Variants in GPR39 observed in about 807,000 individuals in gnomAD.
GPR39 encodes G protein-coupled receptor 39.
Under a neutral mutation model 18.4 loss-of-function variants are expected in GPR39, and 23 were observed. The ratio of observed to expected loss-of-function variants is 1.25; its 90% CI spans 0.90 to 1.77. The LOEUF (loss-of-function observed/expected upper bound fraction) is 1.77. Among genes scored for constraint, GPR39 ranks in the 40% most tolerant of loss-of-function variants. GPR39 has a pLI of 0.00. For synonymous variants in GPR39, 280 were observed against 257.9 expected (o/e 1.09, Z -0.82); for missense variants, 647 against 602.4 (o/e 1.07, Z -0.78).
chr2:132,635,229 C>T (rs1681729341), intron 1 of GPR39, among the ~76,000 whole-genome samples: 1 of 152,168 alleles, frequency 6.6e-6, no homozygotes, highest in South Asian at 2.1e-4. Flanking sequence ...CAGAGCCCCT[C>T]ACCTGGAACT....
intron 1 of GPR39, among the ~76,000 whole-genome samples, chr2:132,505,859 A>G (rs973293462): frequency 6.6e-6 from 1 of 152,246 alleles, no homozygotes; most frequent in Non-Finnish European, 1.5e-5. Flanking sequence ...GCTGCAATAA[A>G]CATGGGGGTC....
intron 1 of GPR39, among the ~76,000 whole-genome samples, chr2:132,443,331 C>T (rs1245477848): frequency 4.8e-5 from 7 of 146,506 alleles, no homozygotes; most frequent in East Asian, 3.9e-4. Context: ...ACCTGACTTA[C>T]GATGGAGTGA....
chr2:132,462,719 C>CACT (rs1396043049), intron 1 of GPR39, among the ~76,000 whole-genome samples: 1 of 152,164 alleles, frequency 6.6e-6, no homozygotes, highest in East Asian at 1.9e-4. Flanking sequence ...CTCAGCCACA[C>CACT]ACTAGCCTGA....
intron 1 of GPR39, among the ~76,000 whole-genome samples, chr2:132,493,384 GTATATATACACACCA>G (rs1681554756): frequency 7.5e-6 from 1 of 133,516 alleles, no homozygotes; most frequent in Admixed American, 7.6e-5. Context: ...TATACACACC[GTATATATACACACCA>G]TATATATACA....
rs1159523609 is a variant in GPR39 at position 132,531,189 on chromosome 2, G to T, written c.856+113291G>T. Among the ~76,000 whole-genome samples the T allele has an allele frequency of 4.6e-5, 7 of 152,146 alleles. No homozygotes were observed. The East Asian group carries it at 9.6e-4, about 21-fold the overall frequency. On this transcript the variant is annotated intron_variant, in intron 1 of 1. Coordinates refer to ENST00000329321, the MANE Select transcript of GPR39 (RefSeq NM_001508.3). Reference sequence around the variant, plus strand: ...CCAAGCAAATGGAAAACAAAAAAAGGCAGGGGTTGCAATCCTAGTCTCAGA... The same window carrying T: ...CCAAGCAAATGGAAAACAAAAAAAGTCAGGGGTTGCAATCCTAGTCTCAGA...
chr2:132,433,773 G>T (rs1680263714), intron 1 of GPR39: 1 of 148,376 alleles, frequency 6.7e-6, no homozygotes. Context: ...TATGCCAGCA[G>T]GCATGACAAC....
In GPR39 at chr2:132,582,915, CTTTTTTTTTTT is replaced by C. The variant is rs5834320; in HGVS notation, c.857-62174_857-62164del. Among the ~76,000 whole-genome samples, 3 of 101,600 alleles carry C rather than the reference CTTTTTTTTTTT, an allele frequency of 3.0e-5. No homozygotes were observed. The Middle Eastern group carries it at 0.017, about 577-fold the overall frequency. 66.7% of individuals were successfully genotyped at this position (101,600 alleles called of 152,430 possible). A position where few individuals can be genotyped will look rare whatever the true frequency, so the allele number is the denominator to read the frequency against. On this transcript the variant is annotated intron_variant, in intron 1 of 1. Coordinates refer to ENST00000329321, the MANE Select transcript of GPR39 (RefSeq NM_001508.3). ...TAGAGAGAATTAGATTTCTTTCTTT[CTTTTTTTTTTT>C]TTTTTTTTTTTGGAGATAGGGTTTT...
In GPR39 at chr2:132,645,640, C is replaced by A. The variant is rs1242271704; in HGVS notation, c.*34C>A. ...CGAGGGAGCCTTGAGTGGGAACTGG[C>A]CCTCCAGCCCTAAGAAAACGTCACT... On this transcript the variant is annotated 3_prime_UTR_variant, in exon 2 of 2. Coordinates refer to ENST00000329321, the MANE Select transcript of GPR39 (RefSeq NM_001508.3). 1 of 1,578,936 alleles carries A rather than the reference C, an allele frequency of 6.3e-7. No individual in the cohort carries two copies. Among genetic ancestry groups the A allele is most frequent in the Non-Finnish European group, 8.6e-7 (1 of 1,164,218 alleles).
intron 1 of GPR39, among the ~76,000 whole-genome samples, chr2:132,540,751 CT>C (rs112678147): frequency 0.06 from 9,082 of 152,232 alleles, 895 homozygotes; most frequent in African/African-American, 0.2. Flanking sequence ...GAAATGTCAG[CT>C]GAGAGCTGCA....
chr2:132,439,458 A>G (rs1680395339), intron 1 of GPR39, among the ~76,000 whole-genome samples: 2 of 152,206 alleles, frequency 1.3e-5, no homozygotes, highest in South Asian at 4.1e-4. Flanking sequence ...CCACTTGACA[A>G]TGGTGGGACT....
intron 1 of GPR39, among the ~76,000 whole-genome samples, chr2:132,510,649 A>G (rs942659401): frequency 2.0e-5 from 3 of 152,170 alleles, no homozygotes; most frequent in African/African-American, 7.2e-5. Context: ...CCACCCAGAG[A>G]ATAGTCCTGA....
At chr2:132,420,893 A>G (rs749886606) in intron 1 of GPR39, among the ~76,000 whole-genome samples, 31 of 152,326 alleles carry the variant, frequency 2.0e-4, no homozygotes, top group Admixed American at 1.0e-3. Flanking sequence ...GCTCTCAAGC[A>G]ATTTACAGGA....
chr2:132,497,733 A>G (rs1219061039), intron 1 of GPR39, among the ~76,000 whole-genome samples: 1 of 152,180 alleles, frequency 6.6e-6, no homozygotes, highest in East Asian at 1.9e-4. Context: ...GAAGCTGCCC[A>G]AGGAAGAAGC....
At chr2:132,534,409 G>T (rs199526173) in intron 1 of GPR39, among the ~76,000 whole-genome samples, 25 of 144,564 alleles carry the variant, frequency 1.7e-4, no homozygotes, top group African/African-American at 6.0e-4. Context: ...AACTAGTTCA[G>T]CCATTGTGGA....
intron 1 of GPR39, among the ~76,000 whole-genome samples, chr2:132,440,093 C>T (rs1265829417): frequency 1.3e-5 from 2 of 152,110 alleles, no homozygotes; most frequent in Non-Finnish European, 1.5e-5. Flanking sequence ...GTAGGTGACT[C>T]CCTGAAGCTC....
intron 1 of GPR39, among the ~76,000 whole-genome samples, chr2:132,525,767 A>T (rs1483915719): frequency 6.6e-6 from 1 of 152,196 alleles, no homozygotes; most frequent in Non-Finnish European, 1.5e-5. Context: ...AAGGCCAGTT[A>T]TAGGCAAAGG....
rs111867774 is a variant in GPR39 at position 132,484,506 on chromosome 2, G to A, written c.856+66608G>A. The stretch of plus-strand genomic sequence containing the variant: ...TGGCCATTAGTTCATACAGCCCTGG[G>A]AGACAGATGGACAAGCCTCAGATGG... On this transcript the variant is annotated intron_variant, in intron 1 of 1. Coordinates refer to ENST00000329321, the MANE Select transcript of GPR39 (RefSeq NM_001508.3). Among the ~76,000 whole-genome samples the A allele has an allele frequency of 3.1e-4, 47 of 152,300 alleles. 1 individual carries two copies. Among genetic ancestry groups the A allele is most frequent in the African/African-American group, 1.0e-3 (43 of 41,564 alleles).
Position 132,646,298 on chromosome 2 carries a change from A to G in GPR39, c.*692A>G. 7.0e-7 allele frequency: 1 copy of G among 1,435,082 alleles called. No homozygotes were observed. Among genetic ancestry groups the G allele is most frequent in the Non-Finnish European group, 9.2e-7 (1 of 1,083,260 alleles). The allele number at this position is 1,435,082 out of a possible 1,614,324, so 88.9% of individuals were successfully genotyped here. On this transcript the variant is annotated 3_prime_UTR_variant, in exon 2 of 2. Coordinates refer to ENST00000329321, the MANE Select transcript of GPR39 (RefSeq NM_001508.3). The stretch of plus-strand genomic sequence containing the variant: ...CATGATCCCTGTAACACAGACCCAA[A>G]GGAGCTGAGTTAACGTGCACCGGCA...
intron 1 of GPR39, among the ~76,000 whole-genome samples, chr2:132,600,097 G>A (rs1031562532): frequency 1.3e-5 from 2 of 152,150 alleles, no homozygotes; most frequent in Non-Finnish European, 2.9e-5. Context: ...CTATGAAAAA[G>A]TAATCACAAT....
Sources: allele counts gnomAD v4.1 joint callset (sites outside exome capture counted in the v4.1 genomes callset), GRCh38; gene constraint gnomAD v4.1.1; transcripts MANE v1.5; gene names NCBI Gene and HGNC (gene_info 2026-07-23, HGNC 2026-07-21).